Variants in CALCR observed in about 807,000 individuals in gnomAD.
CALCR encodes the protein calcitonin receptor.
Under a neutral mutation model 59.5 loss-of-function variants are expected in CALCR, and 47 were observed. The ratio of observed to expected loss-of-function variants is 0.79; its 90% confidence interval spans 0.63 to 1.01. CALCR has a LOEUF of 1.01. CALCR is among the 50% of genes least tolerant of loss of function. CALCR has a pLI of 0.00. For synonymous variants in CALCR, 213 were observed against 211.3 expected (o/e 1.01, Z -0.07); for missense variants, 566 against 597.1 (o/e 0.95, Z 0.54).
At chr7:93,427,903 A>G (rs1158902714) in intron 13 of CALCR, among the ~76,000 whole-genome samples, 1 of 148,704 alleles carries the variant, frequency 6.7e-6, no homozygotes, top group Non-Finnish European at 1.5e-5. Context: ...CAGCACAGCA[A>G]CCGTAAGGTT....
chr7:93,516,663 G>C (rs957847811), intron 2 of CALCR, among the ~76,000 whole-genome samples: 2 of 151,690 alleles, frequency 1.3e-5, no homozygotes, highest in African/African-American at 4.8e-5. Context: ...AAAGAGAGTC[G>C]AGAAGTATGT....
chr7:93,547,127 T>C (rs966803208), intron 2 of CALCR, among the ~76,000 whole-genome samples: 4 of 152,162 alleles, frequency 2.6e-5, no homozygotes, highest in African/African-American at 9.6e-5. Flanking sequence ...ACGGACCTCT[T>C]AGGACAGGTT....
chr7:93,470,359 G>A (rs1240828492), intron 6 of CALCR, among the ~76,000 whole-genome samples: 3 of 151,490 alleles, frequency 2.0e-5, no homozygotes, highest in Non-Finnish European at 4.4e-5. Context: ...ATCAGGAGGA[G>A]CATTTTCTAA....
intron 2 of CALCR, among the ~76,000 whole-genome samples, chr7:93,549,707 C>T (rs569211576): frequency 6.6e-6 from 1 of 152,128 alleles, no homozygotes; most frequent in Admixed American, 6.6e-5. Context: ...TAGGGCTTGA[C>T]GAAGACCTTA....
chr7:93,497,704 A>C (rs140529376), intron 2 of CALCR, among the ~76,000 whole-genome samples: 1 of 151,734 alleles, frequency 6.6e-6, no homozygotes, highest in East Asian at 1.9e-4. Flanking sequence ...ATAAATGAGG[A>C]GAAGATCTAA....
chr7:93,529,273 G>T (rs1459606689), intron 2 of CALCR, among the ~76,000 whole-genome samples: 1 of 152,126 alleles, frequency 6.6e-6, no homozygotes, highest in East Asian at 1.9e-4. Flanking sequence ...GTTTAAAAGT[G>T]TGTGGCACCT....
intron 2 of CALCR, among the ~76,000 whole-genome samples, chr7:93,548,885 T>C (rs1054198113): frequency 6.7e-6 from 1 of 150,194 alleles, no homozygotes; most frequent in Non-Finnish European, 1.5e-5. Flanking sequence ...TGTGTCTGTG[T>C]GTGTGTATGA....
rs200589670 is a variant in CALCR, at chr7:93,484,171, C to A, written c.51+2760G>T. On this transcript the variant is annotated intron_variant, in intron 3 of 13. Coordinates refer to ENST00000426151, the MANE Select transcript of CALCR (RefSeq NM_001742.4). ...CACCTGCTCTCATAGAGCTTACATT[C>A]TTGATTTTATCCACACTAATCATGG... Among the ~76,000 whole-genome samples, 3 of 151,914 alleles carry A rather than the reference C, an allele frequency of 2.0e-5. No individual in the cohort carries two copies. In the East Asian group the frequency reaches 5.9e-4, roughly 30 times the overall value.
At chr7:93,498,383 A>G (rs962310628) in intron 2 of CALCR, among the ~76,000 whole-genome samples, 1 of 151,642 alleles carries the variant, frequency 6.6e-6, no homozygotes, top group African/African-American at 2.4e-5. Context: ...TGTGCAGTTC[A>G]GAATTGTGCC....
intron 2 of CALCR, among the ~76,000 whole-genome samples, chr7:93,556,489 T>C (rs1789610244): frequency 6.6e-6 from 1 of 152,108 alleles, no homozygotes; most frequent in African/African-American, 2.4e-5. Context: ...GAGATAACTT[T>C]TGTTTTGTAA....
At chr7:93,543,636 TTGTA>T (rs1789204188) in intron 2 of CALCR, among the ~76,000 whole-genome samples, 1 of 148,788 alleles carries the variant, frequency 6.7e-6, no homozygotes, top group Non-Finnish European at 1.5e-5. Context: ...TTAAATGTCA[TTGTA>T]TGGCCCATGA....
rs756806380 is a variant in CALCR at position 93,435,978 on chromosome 7, C to A, written c.1123G>T (p.Val375Leu). ...TGGAAATGAATCAGAGAGTGCATCA[C>A]GTAATCATATATCTTCCCAAGCATC... ...NKMLGKIYDY[V>L]MHSLIHFQGF... is the part of the protein sequence containing the mutation. The change falls in exon 12 of 14, where the codon GTG becomes TTG. Residue 375 changes from valine to leucine, a missense_variant. Coordinates refer to ENST00000426151, the MANE Select transcript of CALCR (RefSeq NM_001742.4). 5 of 1,611,900 alleles carry A rather than the reference C, an allele frequency of 3.1e-6. No individual in the cohort carries two copies. Among genetic ancestry groups the A allele is most frequent in the Non-Finnish European group, 8.5e-7 (1 of 1,178,178 alleles).
chr7:93,547,418 T>C (rs1789319562), intron 2 of CALCR, among the ~76,000 whole-genome samples: 1 of 152,212 alleles, frequency 6.6e-6, no homozygotes, highest in South Asian at 2.1e-4. Context: ...TTTACTTTTT[T>C]GTTACTTAAA....
intron 8 of CALCR, 140 bp from the exon 9 acceptor site, chr7:93,443,897 A>G (rs1799961627): frequency 1.5e-6 from 1 of 655,432 alleles, no homozygotes; most frequent in East Asian, 2.7e-5. Flanking sequence ...AACATGTGCC[A>G]CCTGCTATAC....
intron 2 of CALCR, among the ~76,000 whole-genome samples, chr7:93,521,462 G>T (rs1294361754): frequency 1.3e-5 from 2 of 152,008 alleles, no homozygotes; most frequent in African/African-American, 4.8e-5. Flanking sequence ...TTCCCAAATA[G>T]ATATTTTTTC....
intron 2 of CALCR, among the ~76,000 whole-genome samples, chr7:93,490,056 C>T (rs1801040121): frequency 6.6e-6 from 1 of 151,886 alleles, no homozygotes; most frequent in Non-Finnish European, 1.5e-5. Context: ...AAAAACGTAT[C>T]CACCATGATC....
intron 2 of CALCR, among the ~76,000 whole-genome samples, chr7:93,500,894 C>T (rs1478018792): frequency 6.6e-6 from 1 of 151,964 alleles, no homozygotes; most frequent in Non-Finnish European, 1.5e-5. Flanking sequence ...TAAAGAAAAG[C>T]ACCATCAAAT....
chr7:93,474,817 T>G (rs143232378), intron 5 of CALCR, among the ~76,000 whole-genome samples: 4 of 151,834 alleles, frequency 2.6e-5, no homozygotes, highest in African/African-American at 9.7e-5. Context: ...AGCATTTTTC[T>G]ATGTTAACAA....
intron 3 of CALCR, among the ~76,000 whole-genome samples, chr7:93,482,524 G>C (rs987727847): frequency 2.0e-5 from 3 of 151,780 alleles, no homozygotes; most frequent in Admixed American, 2.0e-4. Context: ...CTTCCCAAAA[G>C]TAACATTCTG....
Sources: allele counts gnomAD v4.1 joint callset (sites outside exome capture counted in the v4.1 genomes callset), GRCh38; gene constraint gnomAD v4.1.1; transcripts MANE v1.5; gene names NCBI Gene and HGNC (gene_info 2026-07-23, HGNC 2026-07-21).